The following PCBP3 variants were observed in gnomAD, a reference collection of about 807,000 sequenced individuals.
The protein encoded by PCBP3 is poly(rC)-binding protein 3.
PCBP3 carries 25 observed loss-of-function variants against 52.7 expected under a neutral mutation model. The ratio of observed to expected loss-of-function variants is 0.47; its 90% CI spans 0.35 to 0.66. The LOEUF is 0.66. Among genes scored for constraint, PCBP3 ranks in the 30% least tolerant of loss-of-function variants. The probability of loss-of-function intolerance (pLI) is 0.01; values close to 1 mark genes in which losing one functional copy is unlikely to be tolerated. For synonymous variants in PCBP3, 162 were observed against 183.0 expected, an observed-to-expected ratio of 0.89 and a Z score of 0.93; for missense variants, 391 against 490.3, an observed-to-expected ratio of 0.80 and a Z score of 1.91.
chr21:45,797,080 G>T (rs1211152247), intron 4 of PCBP3, among the ~76,000 whole-genome samples: 5 of 152,232 alleles, frequency 3.3e-5, no homozygotes, highest in Non-Finnish European at 5.9e-5. Context: ...TCTGGATGTT[G>T]TTTTGGGGAA....
Position 45,805,964 on chromosome 21 carries a change from G to A in PCBP3, c.-125-43997G>A, listed in dbSNP as rs1188686944. On this transcript the variant is annotated intron_variant, in intron 4 of 17. Coordinates refer to ENST00000681687, the MANE Select transcript of PCBP3 (RefSeq NM_001384156.1). The surrounding 1 kb of genome is among the most constrained non-coding windows in gnomAD (Gnocchi z 4.6). ...AGTCTGTGAGGTTCCCATTGCATGA[G>A]AAGATGGAGGAGCCTCCTTGTGCTG... 1.3e-5 allele frequency among the ~76,000 whole-genome samples: 2 copies of A among 152,228 alleles called. No homozygotes were observed. The highest frequency in any genetic ancestry group is 2.9e-5 in the Non-Finnish European group (2 of 68,032).
chr21:45,785,510 G>C (rs13051701), intron 4 of PCBP3, among the ~76,000 whole-genome samples: 3 of 17,142 alleles, frequency 1.8e-4, no homozygotes, highest in African/African-American at 2.7e-3. Context: ...TCCGGGAGGG[G>C]GGGGGGTCAG....
intron 2 of PCBP3, among the ~76,000 whole-genome samples, chr21:45,725,348 G>C (rs545551795): frequency 1.3e-5 from 2 of 152,310 alleles, no homozygotes; most frequent in East Asian, 1.9e-4. Context: ...GTAGGTACAG[G>C]GTTTTCCCTT....
intron 5 of PCBP3, among the ~76,000 whole-genome samples, chr21:45,855,230 CTGGAGCT>C (rs2094229906): frequency 6.6e-6 from 1 of 152,298 alleles, no homozygotes. Context: ...GTGCACAGAG[CTGGAGCT>C]TCCCGACTGC....
intron 5 of PCBP3, among the ~76,000 whole-genome samples, chr21:45,855,734 G>A (rs181804262): frequency 0.018 from 2,688 of 152,278 alleles, 71 homozygotes; most frequent in African/African-American, 0.061. Flanking sequence ...CCAAGTGCCC[G>A]ATGGCCTGAG....
At chr21:45,907,430 C>T (rs529189415) in intron 9 of PCBP3, among the ~76,000 whole-genome samples, 2 of 152,320 alleles carry the variant, frequency 1.3e-5, no homozygotes, top group Admixed American at 6.5e-5. Flanking sequence ...TAGAGACAGT[C>T]GAGGTTGTCG....
rs115650855 is a variant in PCBP3 at position 45,720,644 on chromosome 21, T to C, written c.-199-14748T>C. Among the ~76,000 whole-genome samples the C allele has an allele frequency of 5.7e-3, 870 of 152,288 alleles. 7 individuals carry two copies. The highest frequency in any genetic ancestry group is 0.02 in the African/African-American group (813 of 41,558). ...GTAAAATTTATTACTACATTTGGAG[T>C]TTTGAAAACACCTTCACTGTAGTTT... On this transcript the variant is annotated intron_variant, in intron 2 of 17. Transcript: ENST00000681687.
chr21:45,843,155 G>C (rs986643860), intron 4 of PCBP3, among the ~76,000 whole-genome samples: 2 of 152,162 alleles, frequency 1.3e-5, no homozygotes, highest in Non-Finnish European at 2.9e-5. Context: ...CCAGCTTTCA[G>C]GGTTCTCTTC....
chr21:45,898,702 G>A (rs1310003533), intron 6 of PCBP3, among the ~76,000 whole-genome samples: 1 of 50,926 alleles, frequency 2.0e-5, no homozygotes, highest in Non-Finnish European at 3.3e-5. Context: ...TCTGCACGCC[G>A]TCCTCACGGC....
chr21:45,806,909 C>T (rs1361412161), intron 4 of PCBP3, among the ~76,000 whole-genome samples: 1 of 152,162 alleles, frequency 6.6e-6, no homozygotes, highest in African/African-American at 2.4e-5. Context: ...GTCATTGGCT[C>T]CTGTATGCAG....
In PCBP3 at chr21:45,904,014, T is replaced by G. The variant is rs2839045; in HGVS notation, c.339+2901T>G. On this transcript the variant is annotated intron_variant, in intron 9 of 17. Coordinates refer to ENST00000681687, the MANE Select transcript of PCBP3 (RefSeq NM_001384156.1). The surrounding 1 kb of genome is among the most constrained non-coding windows in gnomAD (Gnocchi z 4.8). ...TACTTGTAAGACCCCTTGCAATGAG[T>G]TTAGAGAAACAGATTTTCTCTGACG... Among the ~76,000 whole-genome samples, 50,160 of 152,084 alleles carry G rather than the reference T, an allele frequency of 0.33. 9,204 individuals are homozygous for G. The highest frequency in any genetic ancestry group is 0.68 in the East Asian group (3,490 of 5,170).
chr21:45,739,708 A>G (rs1420938056), intron 3 of PCBP3, among the ~76,000 whole-genome samples: 2 of 122,968 alleles, frequency 1.6e-5, no homozygotes, highest in Non-Finnish European at 3.3e-5. Context: ...CATCTTCATC[A>G]GCCCACCCTT....
chr21:45,694,827 A>C (rs1036134295), intron 2 of PCBP3, among the ~76,000 whole-genome samples: 12 of 152,230 alleles, frequency 7.9e-5, no homozygotes, highest in Non-Finnish European at 1.3e-4. Context: ...TGGAGGAATA[A>C]ATCATATTAT....
At chr21:45,722,677 A>G (rs1032470972) in intron 2 of PCBP3, among the ~76,000 whole-genome samples, 2 of 152,106 alleles carry the variant, frequency 1.3e-5, no homozygotes, top group Non-Finnish European at 2.9e-5. Context: ...CTTAGCAAAA[A>G]TGTGATCTCA....
chr21:45,786,855 G>T (rs1371564750), intron 4 of PCBP3, among the ~76,000 whole-genome samples: 1 of 152,202 alleles, frequency 6.6e-6, no homozygotes, highest in Admixed American at 6.5e-5. Flanking sequence ...AAATAGCAGT[G>T]TGTCCTGAAT....
At chr21:45,776,671 A>AG (rs1387322822) in intron 4 of PCBP3, among the ~76,000 whole-genome samples, 2 of 152,178 alleles carry the variant, frequency 1.3e-5, no homozygotes, top group African/African-American at 2.4e-5. Context: ...TATCTGATAT[A>AG]ACTGTAGCTT....
chr21:45,722,652 G>T (rs567314032), intron 2 of PCBP3, among the ~76,000 whole-genome samples: 5 of 152,056 alleles, frequency 3.3e-5, no homozygotes, highest in Non-Finnish European at 7.4e-5. Context: ...TACAGATACA[G>T]ATTTACTACA....
chr21:45,774,082 C>T (rs374190929), intron 4 of PCBP3, among the ~76,000 whole-genome samples: 27 of 152,156 alleles, frequency 1.8e-4, no homozygotes, highest in East Asian at 9.7e-4. Flanking sequence ...TTGTATCCTG[C>T]AACTTACTGA....
intron 4 of PCBP3, among the ~76,000 whole-genome samples, chr21:45,822,219 C>T (rs920941846): frequency 2.6e-5 from 4 of 152,178 alleles, no homozygotes; most frequent in South Asian, 2.1e-4. Context: ...GGCACCGGCA[C>T]CGTCATCCTG....
Sources: gnomAD v4.1 joint callset for allele counts (sites outside exome capture counted in the v4.1 genomes callset) on GRCh38, gnomAD v4.1.1 for gene constraint, Gnocchi (gnomAD v3.1) non-coding constraint, MANE v1.5 for transcripts, NCBI Gene and HGNC (gene_info 2026-07-23, HGNC 2026-07-21) for gene names.